Variants in TENM3 observed in about 807,000 individuals in gnomAD.
TENM3 encodes teneurin-3.
TENM3 carries 63 observed loss-of-function variants against 255.1 expected under a neutral mutation model. The observed-to-expected ratio is 0.25, with a 90% CI of 0.20 to 0.30. TENM3 has a LOEUF of 0.30. Ranked by LOEUF, TENM3 falls within the 10% of genes least tolerant of loss-of-function variation. TENM3 has a pLI of 1.00. For missense variants in TENM3, 2,929 were observed against 3,461.1 expected, an observed-to-expected ratio of 0.85 and a Z score of 3.86; for synonymous variants, 1,306 against 1,322.3, an observed-to-expected ratio of 0.99 and a Z score of 0.27.
At chr4:182,198,367 A>G (rs6827995) in intron 1 of TENM3, among the ~76,000 whole-genome samples, 1 of 152,140 alleles carries the variant, frequency 6.6e-6, no homozygotes, top group African/African-American at 2.4e-5. Context: ...GAGGGCAGGG[A>G]CCTTTTGATT....
At chr4:182,244,802 G>A (rs1757535074) in intron 1 of TENM3, among the ~76,000 whole-genome samples, 1 of 152,210 alleles carries the variant, frequency 6.6e-6, no homozygotes, top group Non-Finnish European at 1.5e-5. Context: ...CTTTCTGAGA[G>A]TTTGCAAATA....
the TENM3 span, among the ~76,000 whole-genome samples, chr4:181,870,066 G>A: frequency 2.6e-5 from 4 of 152,106 alleles, no homozygotes; most frequent in African/African-American, 7.2e-5. Flanking sequence ...TTCATTGAAA[G>A]GTAATCATGC....
chr4:182,705,351 A>G (rs550781018), intron 12 of TENM3, among the ~76,000 whole-genome samples: 13 of 152,372 alleles, frequency 8.5e-5, no homozygotes, highest in South Asian at 2.1e-4. Context: ...AGGACTTCAC[A>G]GTAATTATCA....
chr4:181,807,305 G>A, the TENM3 span, among the ~76,000 whole-genome samples: 58 of 152,246 alleles, frequency 3.8e-4, no homozygotes, highest in Middle Eastern at 3.4e-3. Flanking sequence ...AAGAAATAAC[G>A]TATTAAATGT....
chr4:182,566,495 C>T (rs1005224052), intron 3 of TENM3, among the ~76,000 whole-genome samples: 3 of 152,094 alleles, frequency 2.0e-5, no homozygotes, highest in Admixed American at 6.5e-5. Context: ...CAGGAAACAC[C>T]GTAAGAATGA....
Position 182,754,510 on chromosome 4 carries a change from C to T in TENM3, c.4143C>T (p.Pro1381=), listed in dbSNP as rs1695538502. The T allele has an allele frequency of 6.2e-7, 1 of 1,613,934 alleles. No homozygotes were observed. The highest frequency in any genetic ancestry group is 1.6e-4 in the Middle Eastern group (1 of 6,062). ...AAGTTCGCATTGCTGCTGGACGGCCCATGCACTGTCAGGTTCCCGGAGTGG... is the reference window on the plus strand; with the variant it reads ...AAGTTCGCATTGCTGCTGGACGGCCTATGCACTGTCAGGTTCCCGGAGTGG... ...NRQVRIAAGR[P]MHCQVPGVEY... is the part of the protein sequence containing the mutation. The change falls in exon 22 of 28, where the codon CCC becomes CCT. Residue 1381 remains proline, a synonymous_variant. Coordinates refer to ENST00000511685, the MANE Select transcript of TENM3 (RefSeq NM_001080477.4). This position sits in a 1 kb window ranked among gnomAD's most constrained non-coding sequence, Gnocchi z 5.1.
chr4:182,359,684 TA>T (rs1453906531), intron 3 of TENM3, among the ~76,000 whole-genome samples: 1 of 148,502 alleles, frequency 6.7e-6, no homozygotes, highest in Non-Finnish European at 1.5e-5. Flanking sequence ...CTGGATTCAT[TA>T]ATTTTTTGAA....
chr4:182,794,357 T>C (rs1033972980), intron 26 of TENM3, among the ~76,000 whole-genome samples: 1 of 152,252 alleles, frequency 6.6e-6, no homozygotes, highest in Non-Finnish European at 1.5e-5. Flanking sequence ...GTAACTACCT[T>C]ACGAATGTGT....
the TENM3 span, among the ~76,000 whole-genome samples, chr4:182,103,727 C>T: frequency 2.6e-5 from 4 of 152,170 alleles, no homozygotes; most frequent in Non-Finnish European, 5.9e-5. Context: ...ACTGCTAAGG[C>T]TGTGTTTAAA....
At chr4:182,164,317 G>A (rs1751564550) in intron 1 of TENM3, among the ~76,000 whole-genome samples, 1 of 152,174 alleles carries the variant, frequency 6.6e-6, no homozygotes, top group Admixed American at 6.5e-5. Context: ...TACCAAGCCA[G>A]CAACCTTGAA....
the TENM3 span, among the ~76,000 whole-genome samples, chr4:181,544,408 T>TAAAAAAAAAAAAAA: frequency 1.9e-3 from 128 of 68,658 alleles, 16 homozygotes; most frequent in Admixed American, 4.3e-3. Context: ...CCTTCAGGAT[T>TAAAAAAAAAAAAAA]AAAAAAAAAA....
At chr4:182,567,440 A>G (rs1034627496) in intron 3 of TENM3, among the ~76,000 whole-genome samples, 10 of 152,166 alleles carry the variant, frequency 6.6e-5, no homozygotes, top group Non-Finnish European at 1.0e-4. Flanking sequence ...CTGGGTCCTC[A>G]GAACTTTGCA....
chr4:181,929,331 T>C, the TENM3 span, among the ~76,000 whole-genome samples: 1 of 147,428 alleles, frequency 6.8e-6, no homozygotes, highest in Non-Finnish European at 1.5e-5. Flanking sequence ...TATGAAGGAA[T>C]ATTTACCAAG....
rs530657181 is a variant in TENM3 at position 182,273,247 on chromosome 4, A to G, written c.-76+29771A>G. ...GGGAGAGGGAGGTGCTGTCAAGCAC[A>G]GCTCTGAAGAGGTTAAGACGTTTGC... On this transcript the variant is annotated intron_variant, in intron 1 of 27. Coordinates refer to ENST00000511685, the MANE Select transcript of TENM3 (RefSeq NM_001080477.4). Among the ~76,000 whole-genome samples, 106 of 152,374 alleles carry G rather than the reference A, an allele frequency of 7.0e-4. 2 individuals carry two copies. The highest frequency in any genetic ancestry group is 2.4e-3 in the African/African-American group (101 of 41,594).
the TENM3 span, among the ~76,000 whole-genome samples, chr4:181,761,819 C>G: frequency 6.6e-6 from 1 of 152,178 alleles, no homozygotes; most frequent in Non-Finnish European, 1.5e-5. Flanking sequence ...AGCACATTGC[C>G]TGGCACATAG....
chr4:182,091,218 G>A, the TENM3 span, among the ~76,000 whole-genome samples: 2 of 152,138 alleles, frequency 1.3e-5, no homozygotes, highest in Admixed American at 6.5e-5. Context: ...AGCACAGCAG[G>A]CCAATTTGAG....
At chr4:182,616,569 C>A (rs951815234) in intron 4 of TENM3, among the ~76,000 whole-genome samples, 5 of 100,944 alleles carry the variant, frequency 5.0e-5, no homozygotes, top group Non-Finnish European at 6.0e-5. Context: ...TCCTGGCTAA[C>A]ACAGTGAAAA....
At chr4:182,635,484 T>A (rs1246624137) in intron 5 of TENM3, among the ~76,000 whole-genome samples, 2 of 152,240 alleles carry the variant, frequency 1.3e-5, no homozygotes, top group Non-Finnish European at 2.9e-5. Flanking sequence ...CAAAAATGTT[T>A]CCATAAAAAT....
intron 1 of TENM3, among the ~76,000 whole-genome samples, chr4:182,181,142 A>G (rs1752815659): frequency 6.6e-6 from 1 of 152,198 alleles, no homozygotes; most frequent in South Asian, 2.1e-4. Flanking sequence ...TAAAACAGTA[A>G]GAATGAAACA....
Sources: allele counts gnomAD v4.1 joint callset (sites outside exome capture counted in the v4.1 genomes callset), GRCh38; gene constraint gnomAD v4.1.1; non-coding constraint Gnocchi (gnomAD v3.1); transcripts MANE v1.5; gene names NCBI Gene and HGNC (gene_info 2026-07-23, HGNC 2026-07-21).